Variants in PUDP observed in about 807,000 individuals in gnomAD.
PUDP encodes the protein pseudouridine-5'-phosphatase.
PUDP carries 8 observed loss-of-function variants against 9.4 expected under a neutral mutation model. The observed-to-expected ratio is 0.85, with a 90% CI of 0.50 to 1.53. The LOEUF is 1.53. Among genes scored for constraint, PUDP ranks in the 40% most tolerant of loss-of-function variants. PUDP has a pLI of 0.00. For missense variants in PUDP, 188 were observed against 189.7 expected (o/e 0.99, Z 0.05); for synonymous variants, 99 against 80.7 (o/e 1.23, Z -1.22).
chrX:7,005,091 G>A (rs1200600275), intron 1 of PUDP, among the ~76,000 whole-genome samples: 1 of 111,424 alleles, frequency 9.0e-6, no homozygotes, highest in Non-Finnish European at 1.9e-5. Context: ...GTCTTGTGGG[G>A]GCCACTAGGG....
intron 1 of PUDP, among the ~76,000 whole-genome samples, chrX:7,112,751 C>T (rs1191350020): frequency 9.0e-6 from 1 of 111,492 alleles, no homozygotes; most frequent in Non-Finnish European, 1.9e-5. Context: ...AGCCCTGACC[C>T]CCCGGGCTCA....
intron 3 of PUDP, among the ~76,000 whole-genome samples, chrX:6,805,521 CA>C (rs1926035002): frequency 1.8e-5 from 2 of 109,046 alleles, no homozygotes; most frequent in East Asian, 3.0e-4. Flanking sequence ...GGACCAAAAC[CA>C]AAAAGTTTTT....
chrX:6,897,931 A>G (rs927014285), intron 3 of PUDP, among the ~76,000 whole-genome samples: 2 of 111,939 alleles, frequency 1.8e-5, no homozygotes, highest in Admixed American at 9.5e-5. Context: ...AAGGGATTAT[A>G]TTTGCACCTG....
chrX:7,011,069 T>C (rs976420858), intron 1 of PUDP, among the ~76,000 whole-genome samples: 3 of 112,357 alleles, frequency 2.7e-5, no homozygotes, highest in Non-Finnish European at 5.6e-5. Context: ...GGGGCAAATG[T>C]GCCCTTTGGA....
At chrX:6,945,394 T>A (rs1249223902) in intron 3 of PUDP, among the ~76,000 whole-genome samples, 1 of 111,897 alleles carries the variant, frequency 8.9e-6, no homozygotes, top group Non-Finnish European at 1.9e-5. Flanking sequence ...CCCTTTTTTG[T>A]CATTAAAAAC....
At chrX:6,861,951 C>T (rs1226513420) in intron 3 of PUDP, among the ~76,000 whole-genome samples, 4 of 111,070 alleles carry the variant, frequency 3.6e-5, no homozygotes, top group Non-Finnish European at 7.5e-5. Flanking sequence ...ACAGAGTCAG[C>T]CCTGAGCTGA....
intron 3 of PUDP, among the ~76,000 whole-genome samples, chrX:6,881,354 C>T (rs1484360034): frequency 8.9e-6 from 1 of 111,949 alleles, no homozygotes; most frequent in African/African-American, 3.2e-5. Flanking sequence ...AGACCTAACA[C>T]CTTGCTCCCA....
At chrX:6,991,510 T>C (rs1262959205) in intron 1 of PUDP, among the ~76,000 whole-genome samples, 1 of 109,934 alleles carries the variant, frequency 9.1e-6, no homozygotes, top group East Asian at 2.8e-4. Flanking sequence ...AGACCCTGTC[T>C]CTATAAAAAA....
At chrX:6,876,639 A>ATATGTGTGTGTGTGTG (rs749582262) in intron 3 of PUDP, among the ~76,000 whole-genome samples, 221 of 92,811 alleles carry the variant, frequency 2.4e-3, no homozygotes, top group Middle Eastern at 5.9e-3. Context: ...CTAAAATGTT[A>ATATGTGTGTGTGTGTG]TGTGTGTGTG....
At chrX:7,110,283 C>A (rs1162516907) in intron 1 of PUDP, among the ~76,000 whole-genome samples, 2 of 112,370 alleles carry the variant, frequency 1.8e-5, no homozygotes, top group Non-Finnish European at 3.8e-5. Flanking sequence ...GTAATTGCTG[C>A]AAATCAAGTA....
intron 1 of PUDP, among the ~76,000 whole-genome samples, chrX:7,146,376 G>A (rs2052496057): frequency 9.0e-6 from 1 of 111,537 alleles, no homozygotes; most frequent in East Asian, 2.8e-4. Flanking sequence ...AAATTCATGA[G>A]ACTCCCAGAA....
At chrX:7,073,694 A>G (rs1332376505) in intron 3 of PUDP, among the ~76,000 whole-genome samples, 1 of 112,940 alleles carries the variant, frequency 8.9e-6, no homozygotes, top group Non-Finnish European at 1.9e-5. Flanking sequence ...AACTTCCTTT[A>G]GTATTACAAT....
intron 3 of PUDP, among the ~76,000 whole-genome samples, chrX:7,055,880 C>A (rs961399821): frequency 1.8e-5 from 2 of 111,971 alleles, no homozygotes; most frequent in African/African-American, 6.5e-5. Flanking sequence ...AGAAATATCT[C>A]AACACAGTTT....
In PUDP at chrX:6,821,717, AGCT is replaced by A. The variant is rs765605394; in HGVS notation, c.*248-115254_*248-115252del. Among the ~76,000 whole-genome samples, 140 of 112,301 alleles carry A rather than the reference AGCT, an allele frequency of 1.2e-3. 1 individual carries two copies. The highest frequency in any genetic ancestry group is 2.3e-3 in the Non-Finnish European group (123 of 53,227). On this transcript the variant is annotated intron_variant and NMD_transcript_variant, in intron 3 of 3. Coordinates refer to the PUDP transcript ENST00000655425. ...TCACAAAGAGCAGCCTGAAAAATCGAGCTGCAGACACAGATAAGCAAGCTGCAA... is the reference window on the plus strand; with the variant it reads ...TCACAAAGAGCAGCCTGAAAAATCGAGCAGACACAGATAAGCAAGCTGCAA...
intron 3 of PUDP, among the ~76,000 whole-genome samples, chrX:6,873,467 C>T (rs954334132): frequency 4.5e-5 from 5 of 111,815 alleles, no homozygotes; most frequent in South Asian, 3.7e-4. Flanking sequence ...CTGAGTAGTT[C>T]GCCCTGAAAC....
chrX:6,944,313 A>G (rs1261218069), intron 3 of PUDP, among the ~76,000 whole-genome samples: 4 of 112,139 alleles, frequency 3.6e-5, no homozygotes, highest in African/African-American at 1.3e-4. Flanking sequence ...CTCCCCAGCC[A>G]TGCAGAACTG....
At chrX:6,811,092 C>T (rs1263780258) in intron 3 of PUDP, among the ~76,000 whole-genome samples, 1 of 111,663 alleles carries the variant, frequency 9.0e-6, no homozygotes, top group East Asian at 2.8e-4. Flanking sequence ...TGCTCTTACT[C>T]ATAGTCAAAA....
chrX:6,712,112 G>C (rs1404690364), intron 1 of PUDP, among the ~76,000 whole-genome samples: 1 of 111,793 alleles, frequency 8.9e-6, no homozygotes, highest in Non-Finnish European at 1.9e-5. Flanking sequence ...ATGCCCTCAA[G>C]GAGCCACATT....
intron 1 of PUDP, among the ~76,000 whole-genome samples, chrX:7,008,195 A>C (rs1929429228): frequency 9.1e-6 from 1 of 110,449 alleles, no homozygotes. Flanking sequence ...CAATCTCCTG[A>C]CCTCGTGATC....
Sources: gnomAD v4.1 joint callset for allele counts (sites outside exome capture counted in the v4.1 genomes callset) on GRCh38, gnomAD v4.1.1 for gene constraint, MANE v1.5 for transcripts, NCBI Gene and HGNC (gene_info 2026-07-23, HGNC 2026-07-21) for gene names.